Variants in PTBP3 observed in about 807,000 individuals in gnomAD.
PTBP3 encodes the protein polypyrimidine tract-binding protein 3.
A neutral mutation model predicts 58.7 loss-of-function variants in PTBP3; 20 were observed. That is an observed-to-expected ratio of 0.34 (90% CI 0.24 to 0.50). PTBP3 has a LOEUF of 0.50. Among genes scored for constraint, PTBP3 ranks in the 20% least tolerant of loss-of-function variants. The probability of loss-of-function intolerance (pLI) is 0.98; values close to 1 mark genes in which losing one functional copy is unlikely to be tolerated. For synonymous variants in PTBP3, 185 were observed against 219.8 expected, an observed-to-expected ratio of 0.84 and a Z score of 1.40; for missense variants, 509 against 637.2, an observed-to-expected ratio of 0.80 and a Z score of 2.17.
intron 1 of PTBP3, among the ~76,000 whole-genome samples, chr9:112,304,186 A>G (rs1338971885): frequency 1.3e-5 from 2 of 152,126 alleles, no homozygotes; most frequent in African/African-American, 4.8e-5. Flanking sequence ...AAAAAAATGT[A>G]TCCATTTTTA....
the PTBP3 span, among the ~76,000 whole-genome samples, chr9:112,351,455 G>A: frequency 6.6e-6 from 1 of 152,154 alleles, no homozygotes; most frequent in Non-Finnish European, 1.5e-5. Flanking sequence ...ATCTGACTGA[G>A]GTAGTCTGTC....
Position 112,330,143 on chromosome 9 carries a change from C to T in PTBP3, c.-52+3327G>A, listed in dbSNP as rs113483316. Among the ~76,000 whole-genome samples, 11 of 152,174 alleles carry T rather than the reference C, an allele frequency of 7.2e-5. No individual in the cohort carries two copies. In the South Asian group the frequency reaches 2.1e-3, roughly 29 times the overall value. ...TGCTGGGATTACAGGTGTGAGCCACCGCACCCGGCCTAAGCCTAGGCTACA... is the reference window on the plus strand; with the variant it reads ...TGCTGGGATTACAGGTGTGAGCCACTGCACCCGGCCTAAGCCTAGGCTACA... On this transcript the variant is annotated intron_variant, in intron 1 of 13. Transcript: ENST00000374257.
At chr9:112,241,461 C>G (rs1434192961) in intron 7 of PTBP3, among the ~76,000 whole-genome samples, 1 of 152,166 alleles carries the variant, frequency 6.6e-6, no homozygotes, top group Non-Finnish European at 1.5e-5. Context: ...CCTGCAACCT[C>G]TACTCATAGG....
chr9:112,292,489 C>T lies in PTBP3; in HGVS notation c.34+5343G>A, dbSNP rs576833849. Among the ~76,000 whole-genome samples the T allele has an allele frequency of 2.6e-4, 39 of 152,262 alleles. No homozygotes were observed. In the South Asian group the frequency reaches 5.4e-3, roughly 21 times the overall value. ...TATCTGCACACCATGTTCACTGCAG[C>T]GTTACTCACAATAGCACAATAGCTA... On this transcript the variant is annotated intron_variant, in intron 2 of 13. Coordinates refer to ENST00000374257, the MANE Select transcript of PTBP3 (RefSeq NM_001163788.4).
intron 3 of PTBP3, 117 bp from the exon 4 acceptor site, chr9:112,268,312 C>T (rs994420590): frequency 4.7e-5 from 46 of 985,496 alleles, no homozygotes; most frequent in Non-Finnish European, 6.2e-5. Context: ...ATGACATTTC[C>T]CCCAAGGGGA....
intron 2 of PTBP3, among the ~76,000 whole-genome samples, chr9:112,287,205 T>C (rs796394290): frequency 2.4e-4 from 37 of 152,204 alleles, no homozygotes; most frequent in African/African-American, 7.9e-4. Context: ...AGATTTAGGA[T>C]AATTTCTTGA....
At position 112,220,171 on chromosome 9, in the gene PTBP3, G is replaced by T. The variant is rs750721547; in HGVS notation, c.*3680C>A. The T allele has an allele frequency of 1.5e-6, 2 of 1,331,838 alleles. No homozygotes were observed. The highest frequency in any genetic ancestry group is 4.1e-5 in the Admixed American group (2 of 49,246). 82.5% of individuals were successfully genotyped at this position (1,331,838 alleles called of 1,614,324 possible). ...GGTGGGGAAAAACACATGTACTTTT[G>T]TCAATTTTTTGTCCAAAAATATCTC... On this transcript the variant is annotated 3_prime_UTR_variant, in exon 14 of 14. Transcript: ENST00000374257.
rs148655428 is a variant in PTBP3 at position 112,293,436 on chromosome 9, C to T, written c.34+4396G>A. Among the ~76,000 whole-genome samples, 26 of 152,250 alleles carry T rather than the reference C, an allele frequency of 1.7e-4. No homozygotes were observed. The East Asian group carries it at 5.0e-3, about 29-fold the overall frequency. Reference sequence around the variant, plus strand: ...TTATAAACATACACAAAATACAGTACATATGTGGTTGAATGCATATGTGAT... The same window carrying T: ...TTATAAACATACACAAAATACAGTATATATGTGGTTGAATGCATATGTGAT... On this transcript the variant is annotated intron_variant, in intron 2 of 13. Transcript: ENST00000374257.
chr9:112,253,706 T>C (rs958927689), intron 5 of PTBP3, among the ~76,000 whole-genome samples: 4 of 152,084 alleles, frequency 2.6e-5, no homozygotes, highest in Admixed American at 1.3e-4. Context: ...GTTCTCGTGA[T>C]AGGGAGTTCT....
At chr9:112,290,667 G>A (rs1198780254) in intron 2 of PTBP3, among the ~76,000 whole-genome samples, 3 of 92,660 alleles carry the variant, frequency 3.2e-5, no homozygotes, top group African/African-American at 1.3e-4. Context: ...GTCAGACTCT[G>A]TCTTTAAAAA....
At chr9:112,230,958 G>A (rs1343595666) in intron 10 of PTBP3, among the ~76,000 whole-genome samples, 1 of 150,858 alleles carries the variant, frequency 6.6e-6, no homozygotes, top group Non-Finnish European at 1.5e-5. Flanking sequence ...TCACGATTTT[G>A]ACCCTACGCA....
At chr9:112,333,732 T>G, upstream of PTBP3, 1 of 231,436 alleles carries the variant, frequency 4.3e-6, no homozygotes, top group Non-Finnish European at 6.9e-6. Context: ...GTCCCCGCCC[T>G]CCCTCGGGGC....
chr9:112,353,398 TCTTTC>T, the PTBP3 span, among the ~76,000 whole-genome samples: 4 of 150,450 alleles, frequency 2.7e-5, no homozygotes, highest in Admixed American at 1.3e-4. Context: ...GGGACAACTC[TCTTTC>T]TTTTCCTTTT....
chr9:112,367,297 T>C, the PTBP3 span, among the ~76,000 whole-genome samples: 2 of 152,232 alleles, frequency 1.3e-5, no homozygotes, highest in East Asian at 3.8e-4. Flanking sequence ...ATTTTTACCC[T>C]TACAGTGAAT....
At chr9:112,290,110 T>C (rs1036932533) in intron 2 of PTBP3, among the ~76,000 whole-genome samples, 2 of 152,174 alleles carry the variant, frequency 1.3e-5, no homozygotes, top group Non-Finnish European at 2.9e-5. Flanking sequence ...ACAAAAGCCA[T>C]CAAGTATAAA....
chr9:112,220,972 T>C lies in PTBP3; in HGVS notation c.*2879A>G. On this transcript the variant is annotated 3_prime_UTR_variant, in exon 14 of 14. Coordinates refer to ENST00000374257, the MANE Select transcript of PTBP3 (RefSeq NM_001163788.4). ...GCATGCCAAAACAGAGATACACAGA[T>C]CTAGTTTTTCCACCATCCTGATATT... 1 of 966,958 alleles carries C rather than the reference T, an allele frequency of 1.0e-6. No individual in the cohort carries two copies. Among genetic ancestry groups the C allele is most frequent in the Non-Finnish European group, 1.2e-6 (1 of 813,266 alleles). 59.9% of individuals were successfully genotyped at this position (966,958 alleles called of 1,614,324 possible). A position where few individuals can be genotyped will look rare whatever the true frequency, so the allele number is the denominator to read the frequency against.
At chr9:112,321,258 A>T (rs10759551) in intron 1 of PTBP3, among the ~76,000 whole-genome samples, 40,300 of 152,062 alleles carry the variant, frequency 0.27, 6,687 homozygotes, top group South Asian at 0.4. Flanking sequence ...CTGGCCGGGC[A>T]TGGTGGCTCA....
chr9:112,255,470 G>A (rs190989872), intron 5 of PTBP3, among the ~76,000 whole-genome samples: 6 of 152,218 alleles, frequency 3.9e-5, no homozygotes, highest in Admixed American at 2.6e-4. Flanking sequence ...CAATAAAGGA[G>A]TAACGTTAGA....
the PTBP3 span, among the ~76,000 whole-genome samples, chr9:112,370,306 C>T: frequency 1.8e-3 from 269 of 152,232 alleles, 3 homozygotes; most frequent in African/African-American, 6.3e-3. Flanking sequence ...CTTTGGGAGG[C>T]TGAGGCAGGT....
Sources: gnomAD v4.1 joint callset for allele counts (sites outside exome capture counted in the v4.1 genomes callset) on GRCh38, gnomAD v4.1.1 for gene constraint, MANE v1.5 for transcripts, NCBI Gene and HGNC (gene_info 2026-07-23, HGNC 2026-07-21) for gene names.